Variants in PKIA observed in about 807,000 individuals in gnomAD.
The protein encoded by PKIA is PKI-alpha.
Under a neutral mutation model 7.6 loss-of-function variants are expected in PKIA, and 4 were observed. The observed-to-expected ratio is 0.52, with a 90% CI of 0.26 to 1.20. The LOEUF is 1.20. PKIA is among the 50% of genes most tolerant of loss of function. The pLI, the probability that PKIA is intolerant of heterozygous loss-of-function variation, is 0.13. For missense variants in PKIA, 73 were observed against 86.2 expected, an observed-to-expected ratio of 0.85 and a Z score of 0.61; for synonymous variants, 21 against 30.7, an observed-to-expected ratio of 0.68 and a Z score of 1.04.
At chr8:78,552,290 A>T (rs16905771) in intron 1 of PKIA, among the ~76,000 whole-genome samples, 12,239 of 151,472 alleles carry the variant, frequency 0.081, 574 homozygotes, top group East Asian at 0.21. Flanking sequence ...AATTCTTTGA[A>T]ATCCTTGACT....
intron 2 of PKIA, among the ~76,000 whole-genome samples, chr8:78,586,938 G>A (rs555034612): frequency 6.6e-6 from 1 of 152,278 alleles, no homozygotes; most frequent in African/African-American, 2.4e-5. Context: ...ATACACAGAT[G>A]TGATATCTGG....
chr8:78,552,775 A>G (rs1329790481), intron 1 of PKIA, among the ~76,000 whole-genome samples: 1 of 152,048 alleles, frequency 6.6e-6, no homozygotes, highest in Non-Finnish European at 1.5e-5. Context: ...GTGTCTTTCC[A>G]TAGAATAAAT....
chr8:78,522,583 T>C (rs1270392264), intron 1 of PKIA, among the ~76,000 whole-genome samples: 1 of 151,938 alleles, frequency 6.6e-6, no homozygotes, highest in East Asian at 1.9e-4. Context: ...AGAAATATTC[T>C]CTCTTTTTTC....
rs552765866 is a variant in PKIA, at chr8:78,597,828, G to A, written c.-27-530G>A. 2.0e-5 allele frequency among the ~76,000 whole-genome samples: 3 copies of A among 152,010 alleles called. No homozygotes were observed. The East Asian group carries it at 5.8e-4, about 29-fold the overall frequency. On this transcript the variant is annotated intron_variant, in intron 2 of 3. Coordinates refer to ENST00000396418, the MANE Select transcript of PKIA (RefSeq NM_006823.4). ...GGATAGAGATCATATGACCCTCAGA[G>A]CCTAAATATGTACTATCAGGCTTGA... is the stretch of plus-strand genomic sequence containing the variant.
chr8:78,588,442 G>A (rs1046152021), intron 2 of PKIA, among the ~76,000 whole-genome samples: 13 of 151,982 alleles, frequency 8.6e-5, no homozygotes, highest in Admixed American at 2.0e-4. Context: ...ATCATGCCAC[G>A]GCACTCCAGC....
At chr8:78,566,571 T>G (rs926542830) in intron 1 of PKIA, among the ~76,000 whole-genome samples, 3 of 152,088 alleles carry the variant, frequency 2.0e-5, no homozygotes. Context: ...GAGCCTCCAA[T>G]TCAAATTGAT....
intron 1 of PKIA, 145 bp from the exon 2 acceptor site, chr8:78,572,666 G>C (rs1257428174): frequency 1.3e-5 from 2 of 151,738 alleles, no homozygotes; most frequent in South Asian, 2.1e-4. Flanking sequence ...TGTTTGTGTT[G>C]TGAGAATTCA....
chr8:78,564,842 GAA>G (rs1456287769), intron 1 of PKIA, among the ~76,000 whole-genome samples: 1 of 151,854 alleles, frequency 6.6e-6, no homozygotes, highest in Non-Finnish European at 1.5e-5. Context: ...AATGCTTACT[GAA>G]GAGAGCTGAT....
chr8:78,594,930 T>G (rs1362822787), intron 2 of PKIA, among the ~76,000 whole-genome samples: 3 of 152,152 alleles, frequency 2.0e-5, no homozygotes, highest in Non-Finnish European at 4.4e-5. Context: ...GTGTCTGGTG[T>G]GTAGACTGGA....
At chr8:78,558,647 T>G (rs1807210021) in intron 1 of PKIA, 1 of 140,236 alleles carries the variant, frequency 7.1e-6, no homozygotes, top group Non-Finnish European at 1.5e-5. Context: ...GTCCCTCCTG[T>G]GACATGTGGG....
chr8:78,579,866 G>C (rs1211639018), intron 2 of PKIA, among the ~76,000 whole-genome samples: 1 of 152,018 alleles, frequency 6.6e-6, no homozygotes, highest in Non-Finnish European at 1.5e-5. Flanking sequence ...TTTTGACAAG[G>C]TCTTCAGGTG....
At chr8:78,549,726 CAAAAA>C (rs10708020) in intron 1 of PKIA, among the ~76,000 whole-genome samples, 2 of 123,218 alleles carry the variant, frequency 1.6e-5, no homozygotes, top group Admixed American at 8.4e-5. Flanking sequence ...ACTGAAATAC[CAAAAA>C]AAAAAAAAAA....
intron 1 of PKIA, among the ~76,000 whole-genome samples, chr8:78,547,723 T>C (rs1806868467): frequency 6.6e-6 from 1 of 152,200 alleles, no homozygotes; most frequent in Non-Finnish European, 1.5e-5. Context: ...ATTTGATTTA[T>C]ATAACCCTTT....
chr8:78,561,366 T>C (rs1807281741), intron 1 of PKIA, among the ~76,000 whole-genome samples: 1 of 152,084 alleles, frequency 6.6e-6, no homozygotes, highest in Admixed American at 6.6e-5. Context: ...TTTAATCAAT[T>C]ATAAGACAAG....
chr8:78,598,176 TA>T (rs1334380050), intron 2 of PKIA, among the ~76,000 whole-genome samples, 181 bp from the exon 3 acceptor site: 1 of 150,552 alleles, frequency 6.6e-6, no homozygotes, highest in Admixed American at 6.7e-5. Context: ...TGTACATATT[TA>T]AATATGTACA....
chr8:78,558,627 C>T (rs1261620421), intron 1 of PKIA: 2 of 147,456 alleles, frequency 1.4e-5, no homozygotes, highest in African/African-American at 5.0e-5. Context: ...ATTCAATTAC[C>T]TCCACCTGGG....
At chr8:78,529,436 T>C (rs1806337863) in intron 1 of PKIA, among the ~76,000 whole-genome samples, 1 of 152,100 alleles carries the variant, frequency 6.6e-6, no homozygotes, top group Non-Finnish European at 1.5e-5. Context: ...CTTTTATATC[T>C]ACCACTTCAC....
chr8:78,585,899 C>T (rs1162166050), intron 2 of PKIA, among the ~76,000 whole-genome samples: 3 of 152,162 alleles, frequency 2.0e-5, no homozygotes, highest in African/African-American at 7.2e-5. Flanking sequence ...AAATGGCATT[C>T]TTAGACTTTC....
intron 1 of PKIA, among the ~76,000 whole-genome samples, chr8:78,570,993 C>G (rs1807533958): frequency 1.3e-5 from 2 of 152,076 alleles, no homozygotes; most frequent in African/African-American, 4.8e-5. Flanking sequence ...TTTGTACTAT[C>G]TGGATGCCCC....
Sources: allele counts gnomAD v4.1 joint callset (sites outside exome capture counted in the v4.1 genomes callset), GRCh38; gene constraint gnomAD v4.1.1; transcripts MANE v1.5; gene names NCBI Gene and HGNC (gene_info 2026-07-23, HGNC 2026-07-21).